Variants in ZNF532 observed in about 807,000 individuals in gnomAD.
The protein encoded by ZNF532 is zinc finger protein 532.
Under a neutral mutation model 89.3 loss-of-function variants are expected in ZNF532, and 22 were observed. The ratio of observed to expected loss-of-function variants is 0.25; its 90% confidence interval spans 0.18 to 0.35. ZNF532 has a LOEUF of 0.35. ZNF532 is among the 10% of genes least tolerant of loss of function. The probability of loss-of-function intolerance (pLI) is 1.00; values close to 1 mark genes in which losing one functional copy is unlikely to be tolerated. For missense variants in ZNF532, 1,132 were observed against 1,643.4 expected, an observed-to-expected ratio of 0.69 and a Z score of 5.38; for synonymous variants, 606 against 649.6, an observed-to-expected ratio of 0.93 and a Z score of 1.02.
chr18:58,962,607 C>CTTTTTT (rs566874390), intron 7 of ZNF532, among the ~76,000 whole-genome samples: 1 of 143,692 alleles, frequency 7.0e-6, no homozygotes, highest in Non-Finnish European at 1.5e-5. Flanking sequence ...CCCTGGCATT[C>CTTTTTT]TTTTTTTTTT....
chr18:58,869,196 T>C (rs768767218), intron 2 of ZNF532, among the ~76,000 whole-genome samples: 1 of 152,188 alleles, frequency 6.6e-6, no homozygotes, highest in Non-Finnish European at 1.5e-5. Context: ...ACATAAGAGT[T>C]AGAAGTTTGA....
intron 7 of ZNF532, among the ~76,000 whole-genome samples, chr18:58,973,186 G>C (rs1176730066): frequency 6.6e-6 from 1 of 152,202 alleles, no homozygotes; most frequent in Non-Finnish European, 1.5e-5. Context: ...CACTGCAACT[G>C]CTGCTTACCG....
intron 2 of ZNF532, among the ~76,000 whole-genome samples, chr18:58,886,383 G>A (rs2058307875): frequency 6.6e-6 from 1 of 151,912 alleles, no homozygotes; most frequent in Admixed American, 6.5e-5. Flanking sequence ...ATTGTTTTGT[G>A]ACCTGATTTT....
At chr18:58,882,691 C>T (rs1005851539) in intron 2 of ZNF532, among the ~76,000 whole-genome samples, 2 of 152,164 alleles carry the variant, frequency 1.3e-5, no homozygotes, top group Admixed American at 6.5e-5. Context: ...AGTGATCCTC[C>T]CATCTTGACC....
intron 2 of ZNF532, among the ~76,000 whole-genome samples, chr18:58,876,348 T>G (rs961552155): frequency 1.3e-5 from 2 of 152,178 alleles, no homozygotes; most frequent in African/African-American, 4.8e-5. Flanking sequence ...TCATGGCCTG[T>G]CACGCTCTGA....
At chr18:58,921,086 C>A (rs1252357195) in intron 3 of ZNF532, among the ~76,000 whole-genome samples, 1 of 151,138 alleles carries the variant, frequency 6.6e-6, no homozygotes, top group Non-Finnish European at 1.5e-5. Flanking sequence ...GAGATCATAT[C>A]TCTTTAAAAA....
intron 9 of ZNF532, among the ~76,000 whole-genome samples, chr18:58,982,265 T>C (rs2067881590): frequency 6.6e-6 from 1 of 151,298 alleles, no homozygotes; most frequent in South Asian, 2.1e-4. Flanking sequence ...GATAAAGCCA[T>C]TGCACCCAAA....
At chr18:58,941,468 CTTTTT>C (rs71302776) in intron 5 of ZNF532, among the ~76,000 whole-genome samples, 2 of 114,910 alleles carry the variant, frequency 1.7e-5, no homozygotes, top group East Asian at 2.7e-4. Flanking sequence ...CTCTCTCTCT[CTTTTT>C]TTTTTTTTTT....
chr18:58,871,926 AAATC>A (rs2057018082), intron 2 of ZNF532, among the ~76,000 whole-genome samples: 1 of 152,224 alleles, frequency 6.6e-6, no homozygotes, highest in South Asian at 2.1e-4. Context: ...AAGGCTGAGA[AAATC>A]AAAGCAAATT....
In ZNF532 at chr18:58,983,973, T is replaced by A; in HGVS notation, c.3413T>A (p.Val1138Asp). ...TCATTTGCTTTCTTTCCCTGAAAGG[T>A]CCCCAGTCCCAAGCGGAAGTTGGAA... Reference protein sequence around the residue: ...EETEIKEDTKVPSPKRKLEEP... With the variant: ...EETEIKEDTKDPSPKRKLEEP... Residue 1138 changes from valine (V) to aspartate (D), a missense_variant and splice_region_variant, in exon 10 of 10, where the codon GTC (valine) becomes GAC (aspartate). Around this residue, in one of 9 missense-constraint regions of ZNF532, gnomAD observed 415 missense variants for 604.8 expected, o/e 0.69. Coordinates refer to ENST00000591808, the MANE Select transcript of ZNF532 (RefSeq NM_001375912.1). 1 of 1,600,592 alleles carries A rather than the reference T, an allele frequency of 6.2e-7. No homozygotes were observed. The highest frequency in any genetic ancestry group is 2.2e-5 in the East Asian group (1 of 44,642).
At chr18:58,957,098 C>T (rs1476414093) in intron 7 of ZNF532, among the ~76,000 whole-genome samples, 1 of 152,120 alleles carries the variant, frequency 6.6e-6, no homozygotes, top group Non-Finnish European at 1.5e-5. Context: ...AGTGATCTTC[C>T]AGTGTCCTGT....
At chr18:58,871,069 C>T (rs965541545) in intron 2 of ZNF532, among the ~76,000 whole-genome samples, 8 of 151,968 alleles carry the variant, frequency 5.3e-5, no homozygotes, top group East Asian at 1.9e-4. Flanking sequence ...TAGTGGCTTA[C>T]GTAGTAAAAA....
chr18:58,968,872 AT>A (rs2066184272), intron 7 of ZNF532, among the ~76,000 whole-genome samples: 1 of 152,218 alleles, frequency 6.6e-6, no homozygotes, highest in South Asian at 2.1e-4. Flanking sequence ...GTGTTCCTCA[AT>A]CCAATTGGCA....
intron 2 of ZNF532, among the ~76,000 whole-genome samples, chr18:58,904,965 C>G (rs1308162042): frequency 6.6e-6 from 1 of 151,844 alleles, no homozygotes; most frequent in East Asian, 1.9e-4. Flanking sequence ...CCTCAGCCTC[C>G]CGAGTAGCTG....
At chr18:58,926,565 C>T (rs1416558829) in intron 3 of ZNF532, among the ~76,000 whole-genome samples, 1 of 152,170 alleles carries the variant, frequency 6.6e-6, no homozygotes, top group Non-Finnish European at 1.5e-5. Context: ...TCAGGCTGGT[C>T]TCGAACTCCT....
At chr18:58,920,779 TGTGTGTGTG>T in intron 3 of ZNF532, 146 bp downstream of exon 3, 1 of 614,426 alleles carries the variant, frequency 1.6e-6, no homozygotes, top group Admixed American at 3.2e-5. Flanking sequence ...TGTGTGTGTG[TGTGTGTGTG>T]TGTTTGGGGA....
In ZNF532 at chr18:58,919,826, C is replaced by T; in HGVS notation, c.1539C>T (p.Ala513=). Residue 513 remains alanine, a synonymous_variant, in exon 3 of 10, where the codon GCC becomes GCT. Transcript: ENST00000591808. The surrounding 1 kb of genome is among the most constrained non-coding windows in gnomAD (Gnocchi z 6.1). ...TCGTGGTGCCGGCATCCAGCCTGGC[C>T]AATGCCAAACTCGTGCCAAAGACTG... ...QTVVVPASSL[A]NAKLVPKTVH... is the part of the protein sequence containing the mutation. 1.2e-6 allele frequency: 2 copies of T among 1,614,006 alleles called. No homozygotes were observed. The highest frequency in any genetic ancestry group is 2.2e-5 in the South Asian group (2 of 91,058).
At chr18:58,872,122 C>T (rs1012911424) in intron 2 of ZNF532, among the ~76,000 whole-genome samples, 10 of 152,138 alleles carry the variant, frequency 6.6e-5, no homozygotes, top group East Asian at 5.8e-4. Context: ...AGACGCAGAG[C>T]GGCTTTTTTA....
chr18:58,892,231 G>C (rs2145401853), intron 2 of ZNF532, among the ~76,000 whole-genome samples: 1 of 152,242 alleles, frequency 6.6e-6, no homozygotes, highest in African/African-American at 2.4e-5. Context: ...TTGTTTAAGA[G>C]TTATTTTTGT....
Sources: gnomAD v4.1 joint callset for allele counts (sites outside exome capture counted in the v4.1 genomes callset) on GRCh38, gnomAD v4.1.1 for gene constraint, gnomAD v4.1.1 regional missense constraint, Gnocchi (gnomAD v3.1) non-coding constraint, MANE v1.5 for transcripts, NCBI Gene and HGNC (gene_info 2026-07-23, HGNC 2026-07-21) for gene names.